AIFM1: variants seen among roughly 807,000 people sequenced by gnomAD.
AIFM1 encodes apoptosis inducing factor mitochondria associated 1, also known as apoptosis-inducing factor 1, mitochondrial.
Under a neutral mutation model 51.7 loss-of-function variants are expected in AIFM1, and 3 were observed. The ratio of observed to expected loss-of-function variants is 0.06; its 90% CI spans 0.03 to 0.15. AIFM1 has a LOEUF of 0.15. Among genes scored for constraint, AIFM1 ranks in the 10% least tolerant of loss-of-function variants. AIFM1 has a pLI of 1.00. For synonymous variants in AIFM1, 178 were observed against 179.4 expected (o/e 0.99, Z 0.06); for missense variants, 330 against 476.8 (o/e 0.69, Z 2.87).
chrX:130,134,456 G>GTATT (rs1436740976), intron 12 of AIFM1, among the ~76,000 whole-genome samples: 1 of 110,768 alleles, frequency 9.0e-6, no homozygotes, highest in Non-Finnish European at 1.9e-5. Context: ...TTGTCACTCA[G>GTATT]TATTCATTCA....
In AIFM1 at chrX:130,147,835, G is replaced by A; in HGVS notation, c.391C>T (p.His131Tyr). 1.7e-6 allele frequency: 2 copies of A among 1,211,869 alleles called. No individual in the cohort carries two copies. Among genetic ancestry groups the A allele is most frequent in the Non-Finnish European group, 2.2e-6 (2 of 895,523 alleles). ...EEVPQDKAPS[H>Y]VPFLLIGGGT... The stretch of plus-strand genomic sequence containing the variant: ...CCACCAATTAGCAGGAAAGGAACAT[G>A]ACTTGGCGCCTTGTCTTGAGGAACT... The change falls in exon 4 of 16, where the codon CAT (histidine) becomes TAT (tyrosine). Residue 131 changes from histidine to tyrosine, a missense_variant. Physicochemically the swap from His to Tyr is moderately conservative, Grantham distance 83. Transcript: ENST00000287295.
At chrX:130,154,848 C>A (rs1275804921) in intron 2 of AIFM1, among the ~76,000 whole-genome samples, 1 of 112,458 alleles carries the variant, frequency 8.9e-6, no homozygotes, top group Non-Finnish European at 1.9e-5. Context: ...ATATGCAGCA[C>A]TAAAGCACAA....
chrX:130,160,880 T>C (rs1247964293), intron 1 of AIFM1, among the ~76,000 whole-genome samples: 1 of 100,225 alleles, frequency 1.0e-5, no homozygotes, highest in Non-Finnish European at 2.0e-5. Flanking sequence ...CCGTCTCTAC[T>C]TAAAAATAAA....
chrX:130,135,510 A>G (rs981764694), intron 12 of AIFM1, among the ~76,000 whole-genome samples: 41 of 107,827 alleles, frequency 3.8e-4, no homozygotes, highest in African/African-American at 1.3e-3. Context: ...CCTTAGTTGC[A>G]GAGTCCATAA....
At chrX:130,137,525 T>A (rs935187661) in intron 9 of AIFM1, 4 of 1,164,590 alleles carry the variant, frequency 3.4e-6, no homozygotes, top group Admixed American at 2.6e-5. Flanking sequence ...ATTTCATATA[T>A]CTGAAAAAGA....
Position 130,136,067 on chromosome X carries a change from T to C in AIFM1, c.1283A>G (p.Gln428Arg). The C allele has an allele frequency of 2.5e-6, 3 of 1,211,668 alleles. No homozygotes were observed. The highest frequency in any genetic ancestry group is 3.5e-5 in the South Asian group (2 of 56,967). ...TACCACCCAGATGTTAGAGCGTGCT[T>C]GTAGCTCTGCATTTACCCGGAAGCC... is the stretch of plus-strand genomic sequence containing the variant. ...FGGFRVNAEL[Q>R]ARSNIWVAGD... Residue 428 changes from glutamine (Q) to arginine (R), a missense_variant, in exon 12 of 16, where the codon CAA becomes CGA. Coordinates refer to ENST00000287295, the MANE Select transcript of AIFM1 (RefSeq NM_004208.4).
intron 1 of AIFM1, among the ~76,000 whole-genome samples, chrX:130,163,980 C>T (rs1243635142): frequency 1.3e-4 from 12 of 92,823 alleles, no homozygotes; most frequent in African/African-American, 4.9e-4. Context: ...ATGGTGAAAC[C>T]TTGTCTCTAC....
At chrX:130,158,750 A>G (rs1287361049) in intron 1 of AIFM1, among the ~76,000 whole-genome samples, 1 of 107,300 alleles carries the variant, frequency 9.3e-6, no homozygotes, top group East Asian at 2.9e-4. Flanking sequence ...AAAATCTCAT[A>G]ATGTTTTAAG....
At chrX:130,144,484 G>A (rs947507515) in intron 6 of AIFM1, among the ~76,000 whole-genome samples, 16 of 111,398 alleles carry the variant, frequency 1.4e-4, no homozygotes, top group Admixed American at 4.8e-4. Context: ...TCTATTTCCT[G>A]GCACCAAACA....
At chrX:130,133,630 A>AT (rs66532248) in intron 12 of AIFM1, among the ~76,000 whole-genome samples, 175 bp from the exon 13 acceptor site, 6 of 103,439 alleles carry the variant, frequency 5.8e-5, no homozygotes, top group East Asian at 6.1e-4. Flanking sequence ...ACCCATTTAA[A>AT]TTTTTTTTTT....
rs761953453 is a variant in AIFM1 at position 130,130,094 on chromosome X, G to A, written c.1646C>T (p.Ala549Val). 3 of 1,209,999 alleles carry A rather than the reference G, an allele frequency of 2.5e-6. No homozygotes were observed. Among genetic ancestry groups the A allele is most frequent in the Non-Finnish European group, 3.4e-6 (3 of 895,243 alleles). ...SEITIPPSTPAVPQAPVQGED... is the reference protein window; with the variant it reads ...SEITIPPSTPVVPQAPVQGED... ...CCCCTGGACGGGAGCCTGTGGAACT[G>A]CCGGGGTGCTGGGAGGAATAGTAAT... The change falls in exon 15 of 16, where the codon GCA becomes GTA. Residue 549 changes from alanine to valine, a missense_variant. Around this residue, in one of 4 missense-constraint regions of AIFM1, gnomAD observed 56 missense variants for 48.8 expected, o/e 1.15. Transcript: ENST00000287295.
At chrX:130,138,062 CAAA>C (rs752207106) in intron 9 of AIFM1, 47 of 39,880 alleles carry the variant, frequency 1.2e-3, no homozygotes, top group Admixed American at 3.5e-3. Context: ...AACTCCATCT[CAAA>C]AAAAAAAAAA....
At chrX:130,163,379 C>T (rs1320025273) in intron 1 of AIFM1, among the ~76,000 whole-genome samples, 1 of 110,665 alleles carries the variant, frequency 9.0e-6, no homozygotes, top group African/African-American at 3.3e-5. Context: ...TGCTCTTTCC[C>T]ACCTGTGCAA....
At chrX:130,147,072 G>A (rs1221974049) in intron 5 of AIFM1, among the ~76,000 whole-genome samples, 5 of 111,692 alleles carry the variant, frequency 4.5e-5, no homozygotes, top group South Asian at 7.5e-4. Context: ...TGAGGCAGGG[G>A]AATTGCTTGA....
intron 7 of AIFM1, among the ~76,000 whole-genome samples, 167 bp from the exon 8 acceptor site, chrX:130,140,038 T>C (rs1244843534): frequency 3.6e-5 from 4 of 112,176 alleles, no homozygotes; most frequent in Non-Finnish European, 7.5e-5. Flanking sequence ...CACAGCAGGC[T>C]TTCTGTCAGT....
intron 2 of AIFM1, among the ~76,000 whole-genome samples, chrX:130,155,794 C>T (rs1569422207): frequency 9.0e-6 from 1 of 111,724 alleles, no homozygotes. Context: ...GTAAACCCTG[C>T]CAAGTTAGGA....
At chrX:130,133,533 G>C in intron 12 of AIFM1, 78 bp from the exon 13 acceptor site, 1 of 1,123,408 alleles carries the variant, frequency 8.9e-7, no homozygotes, top group Non-Finnish European at 1.2e-6. Context: ...AAACTTTGGG[G>C]GCTCAAAGAA....
chrX:130,145,628 C>G, intron 5 of AIFM1, 59 bp from the exon 6 acceptor site: 2 of 923,803 alleles, frequency 2.2e-6, no homozygotes, highest in Non-Finnish European at 3.1e-6. Context: ...CAGCTTCCCC[C>G]GTAGCTTTAA....
chrX:130,161,993 A>G (rs1403656382), intron 1 of AIFM1, among the ~76,000 whole-genome samples: 3 of 112,332 alleles, frequency 2.7e-5, no homozygotes, highest in Admixed American at 9.5e-5. Flanking sequence ...AGCGTGAACC[A>G]TTCTGATGAA....
Sources: gnomAD v4.1 joint callset for allele counts (sites outside exome capture counted in the v4.1 genomes callset) on GRCh38, gnomAD v4.1.1 for gene constraint, gnomAD v4.1.1 regional missense constraint, MANE v1.5 for transcripts, NCBI Gene and HGNC (gene_info 2026-07-23, HGNC 2026-07-21) for gene names.